KMT2C: variants seen among roughly 807,000 people sequenced by gnomAD.
KMT2C encodes lysine methyltransferase 2C.
In KMT2C, 88 loss-of-function variants were observed where a neutral mutation model predicts 507.9. The ratio of observed to expected loss-of-function variants is 0.17; its 90% CI spans 0.15 to 0.21. The LOEUF (loss-of-function observed/expected upper bound fraction) is 0.21, where lower values mean the gene tolerates loss of function less well. Ranked by LOEUF, KMT2C falls within the 10% of genes least tolerant of loss-of-function variation. KMT2C has a pLI of 1.00. For synonymous variants in KMT2C, 2,049 were observed against 2,080.8 expected (o/e 0.98, Z 0.42); for missense variants, 4,954 against 5,957.8 (o/e 0.83, Z 5.55).
At chr7:152,368,517 T>C in intron 1 of KMT2C, 1 of 1,348,404 alleles carries the variant, frequency 7.4e-7, no homozygotes, top group Non-Finnish European at 1.0e-6. Flanking sequence ...TGAAAAAGAA[T>C]TTGGAAGCAC....
intron 39 of KMT2C, among the ~76,000 whole-genome samples, chr7:152,172,160 C>T (rs1433028633): frequency 1.3e-5 from 2 of 152,170 alleles, no homozygotes; most frequent in Admixed American, 6.5e-5. Flanking sequence ...ATCTGTCACC[C>T]TACCCACTGC....
intron 26 of KMT2C, among the ~76,000 whole-genome samples, chr7:152,202,632 C>T (rs1272271485): frequency 1.3e-5 from 2 of 152,132 alleles, no homozygotes; most frequent in Non-Finnish European, 2.9e-5. Context: ...GTATACATAG[C>T]TATCAATGAC....
chr7:152,177,743 T>C lies in KMT2C; in HGVS notation c.7710A>G (p.Gln2570=), dbSNP rs1302847137. 1 of 1,614,168 alleles carries C rather than the reference T, an allele frequency of 6.2e-7. No individual in the cohort carries two copies. The highest frequency in any genetic ancestry group is 8.5e-7 in the Non-Finnish European group (1 of 1,180,026). Residue 2570 remains glutamine, a synonymous_variant, in exon 38 of 59, where the codon CAA becomes CAG. Transcript: ENST00000262189. ...CAGGTGGAGCACTGAAAGGCAGCCG[T>C]TGCCTTCCGTCAGGAGCCCTATGTC... The part of the protein sequence containing the change: ...ELRHRAPDGR[Q]RLPFSAPPGS...
intron 6 of KMT2C, among the ~76,000 whole-genome samples, chr7:152,287,066 C>A (rs920549729): frequency 3.9e-5 from 6 of 152,312 alleles, no homozygotes; most frequent in African/African-American, 1.4e-4. Flanking sequence ...GATACCACAG[C>A]AGGCCAACTG....
At chr7:152,430,542 CTATT>C (rs988417250) in intron 1 of KMT2C, among the ~76,000 whole-genome samples, 2 of 152,154 alleles carry the variant, frequency 1.3e-5, no homozygotes, top group Admixed American at 6.5e-5. Context: ...TCTAATGTTC[CTATT>C]TATTTAGAGA....
intron 6 of KMT2C, among the ~76,000 whole-genome samples, chr7:152,279,559 G>A (rs1199418799): frequency 1.3e-5 from 2 of 152,226 alleles, no homozygotes; most frequent in Non-Finnish European, 2.9e-5. Context: ...CCTAATCTAT[G>A]AAATTATTCT....
chr7:152,423,271 C>T (rs1425578755), intron 1 of KMT2C, among the ~76,000 whole-genome samples: 2 of 152,206 alleles, frequency 1.3e-5, no homozygotes, highest in South Asian at 2.1e-4. Flanking sequence ...ACTCGGGAGG[C>T]GGAGGTTGCA....
chr7:152,410,411 CA>C (rs66620029), intron 1 of KMT2C, among the ~76,000 whole-genome samples: 5,834 of 106,052 alleles, frequency 0.055, 414 homozygotes, highest in African/African-American at 0.19. Context: ...GACCCTGTCT[CA>C]AAAAAAAAAA....
In KMT2C at chr7:152,385,296, C is replaced by T. The variant is rs1300756987; in HGVS notation, c.162-26621G>A. Among the ~76,000 whole-genome samples, 3 of 150,528 alleles carry T rather than the reference C, an allele frequency of 2.0e-5. No homozygotes were observed. In the East Asian group the frequency reaches 5.8e-4, roughly 29 times the overall value. ...AAGACACTTAATCGCAATAAGTAAGCCTTATTCAAATACTTTTAAAAATTG... is the reference window on the plus strand; with the variant it reads ...AAGACACTTAATCGCAATAAGTAAGTCTTATTCAAATACTTTTAAAAATTG... On this transcript the variant is annotated intron_variant, in intron 1 of 58. Coordinates refer to ENST00000262189, the MANE Select transcript of KMT2C (RefSeq NM_170606.3).
intron 31 of KMT2C, among the ~76,000 whole-genome samples, chr7:152,190,758 GCATATTA>G (rs1251929877): frequency 1.3e-5 from 2 of 152,054 alleles, no homozygotes; most frequent in African/African-American, 4.8e-5. Context: ...AGACAATAAA[GCATATTA>G]CATATTACAT....
intron 1 of KMT2C, among the ~76,000 whole-genome samples, chr7:152,417,249 G>A (rs551530184): frequency 6.6e-5 from 10 of 152,196 alleles, no homozygotes; most frequent in Admixed American, 2.6e-4. Context: ...CTCCCAAGTA[G>A]CTGGGATTAC....
intron 1 of KMT2C, among the ~76,000 whole-genome samples, chr7:152,361,463 T>G (rs530460023): frequency 6.6e-6 from 1 of 152,120 alleles, no homozygotes; most frequent in Admixed American, 6.5e-5. Context: ...CTCGGGAGGC[T>G]GAGGCAGGAG....
chr7:152,186,444 G>T (rs1358017491), intron 33 of KMT2C, among the ~76,000 whole-genome samples: 1 of 152,130 alleles, frequency 6.6e-6, no homozygotes, highest in African/African-American at 2.4e-5. Flanking sequence ...GCCTTCACAG[G>T]TCTCCCTGCA....
At chr7:152,421,921 C>T (rs139266308) in intron 1 of KMT2C, among the ~76,000 whole-genome samples, 1 of 152,096 alleles carries the variant, frequency 6.6e-6, no homozygotes, top group East Asian at 1.9e-4. Flanking sequence ...CAAGTGGGAA[C>T]TCAGGTTTAT....
chr7:152,163,277 G>C lies in KMT2C; in HGVS notation c.10300C>G (p.His3434Asp), dbSNP rs1443515567. 6.2e-7 allele frequency: 1 copy of C among 1,614,166 alleles called. No homozygotes were observed. Among genetic ancestry groups the C allele is most frequent in the East Asian group, 2.2e-5 (1 of 44,880 alleles). ...ALQQRMEMEQ[H>D]GMVGSEISSS... ...CTTATCTCAGAGCCCACCATACCAT[G>C]CTGCTCCATTTCCATCCTCTGCTGC... The change falls in exon 43 of 59, where the codon CAT (histidine) becomes GAT (aspartate). Residue 3434 changes from histidine (H) to aspartate (D), a missense_variant. This residue lies in a region of KMT2C where 801 missense variants were observed against 751.2 expected (regional missense o/e 1.07). Coordinates refer to ENST00000262189, the MANE Select transcript of KMT2C (RefSeq NM_170606.3).
intron 2 of KMT2C, among the ~76,000 whole-genome samples, chr7:152,332,914 C>G (rs2096897703): frequency 1.3e-5 from 2 of 150,728 alleles, no homozygotes; most frequent in Non-Finnish European, 1.5e-5. Context: ...TCAACACCAC[C>G]AATAGACCAA....
chr7:152,156,550 C>T (rs990946946), intron 44 of KMT2C, among the ~76,000 whole-genome samples: 16 of 152,094 alleles, frequency 1.1e-4, no homozygotes, highest in African/African-American at 3.9e-4. Context: ...TATGGACATA[C>T]CAACTTGCTT....
At chr7:152,262,440 C>T (rs1180972410) in intron 9 of KMT2C, among the ~76,000 whole-genome samples, 1 of 152,150 alleles carries the variant, frequency 6.6e-6, no homozygotes. Flanking sequence ...CCCACTGCCC[C>T]CAACCCGGCT....
intron 23 of KMT2C, among the ~76,000 whole-genome samples, chr7:152,212,644 C>G (rs1372446278): frequency 6.6e-6 from 1 of 152,058 alleles, no homozygotes; most frequent in African/African-American, 2.4e-5. Context: ...GAAAACATTT[C>G]CATTTAAAAT....
Sources: gnomAD v4.1 joint callset for allele counts (sites outside exome capture counted in the v4.1 genomes callset) on GRCh38, gnomAD v4.1.1 for gene constraint, gnomAD v4.1.1 regional missense constraint, MANE v1.5 for transcripts, NCBI Gene and HGNC (gene_info 2026-07-23, HGNC 2026-07-21) for gene names.